Variants in USP34 observed in about 807,000 individuals in gnomAD.
USP34 encodes ubiquitin specific peptidase 34.
In USP34, 70 loss-of-function variants were observed where a neutral mutation model predicts 460.3. The observed-to-expected ratio is 0.15, with a 90% CI of 0.13 to 0.19. The LOEUF (loss-of-function observed/expected upper bound fraction) is 0.19, where lower values mean the gene tolerates loss of function less well. Among genes scored for constraint, USP34 ranks in the 10% least tolerant of loss-of-function variants. The pLI, the probability that USP34 is intolerant of heterozygous loss-of-function variation, is 1.00. For missense variants in USP34, 3,985 were observed against 4,236.2 expected (o/e 0.94, Z 1.65); for synonymous variants, 1,647 against 1,405.3 (o/e 1.17, Z -3.85).
At chr2:61,445,228 A>AG (rs1252180233) in intron 1 of USP34, among the ~76,000 whole-genome samples, 2 of 147,060 alleles carry the variant, frequency 1.4e-5, no homozygotes, top group Non-Finnish European at 3.0e-5. Flanking sequence ...ACACTAAAAA[A>AG]AAAAAAAAAA....
At chr2:61,464,478 T>G (rs139292098) in intron 1 of USP34, among the ~76,000 whole-genome samples, 2 of 152,212 alleles carry the variant, frequency 1.3e-5, no homozygotes, top group East Asian at 3.8e-4. Context: ...CCAAATGGTA[T>G]TGGGATACAA....
intron 51 of USP34, among the ~76,000 whole-genome samples, chr2:61,243,861 T>C (rs758152957): frequency 1.3e-5 from 2 of 150,240 alleles, no homozygotes; most frequent in Non-Finnish European, 3.0e-5. Flanking sequence ...AGAGTGAGAC[T>C]GTCTCAAAAA....
At chr2:61,199,748 C>T (rs1686915005) in intron 75 of USP34, among the ~76,000 whole-genome samples, 2 of 152,142 alleles carry the variant, frequency 1.3e-5, no homozygotes, top group African/African-American at 4.8e-5. Flanking sequence ...GCTATTTACC[C>T]ACTGCTTTGC....
intron 1 of USP34, among the ~76,000 whole-genome samples, chr2:61,427,786 T>C (rs1694554001): frequency 6.6e-6 from 1 of 151,918 alleles, no homozygotes; most frequent in African/African-American, 2.4e-5. Context: ...AACACCCAAG[T>C]CAGGAGAAAA....
intron 75 of USP34, among the ~76,000 whole-genome samples, chr2:61,197,773 T>G (rs1288427177): frequency 1.3e-5 from 2 of 151,696 alleles, no homozygotes; most frequent in Non-Finnish European, 2.9e-5. Flanking sequence ...TCTATTTTGG[T>G]GGGGGGAACA....
At chr2:61,423,755 G>A (rs1327068607) in intron 1 of USP34, among the ~76,000 whole-genome samples, 2 of 152,096 alleles carry the variant, frequency 1.3e-5, no homozygotes, top group African/African-American at 4.8e-5. Flanking sequence ...ACCAGCCTGG[G>A]CAACACAGCA....
Position 61,232,549 on chromosome 2 carries a change from C to A in USP34, c.7033-17G>T, listed in dbSNP as rs1395962966. 1.9e-6 allele frequency: 3 copies of A among 1,586,766 alleles called. No homozygotes were observed. Among genetic ancestry groups the A allele is most frequent in the Non-Finnish European group, 2.6e-6 (3 of 1,166,316 alleles). ...TAAAAACCACTGTTAAAAAAAAATA[C>A]AGCATGACTTTAACATTCAACAAAT... On this transcript the variant is annotated splice_polypyrimidine_tract_variant and intron_variant, in intron 57 of 79. Coordinates refer to ENST00000398571, the MANE Select transcript of USP34 (RefSeq NM_014709.4).
At position 61,470,977 on chromosome 2, in the gene USP34, G is replaced by C. The variant is rs1299598329; in HGVS notation, c.-285C>G. On this transcript the variant is annotated 5_prime_UTR_variant, in exon 1 of 80. Transcript: ENST00000398571. ...GAAGGGGGGGAAGGACGGGGGGAGG[G>C]GAGAGGGGGGGAGGGGGCGGGTGGG... 7.3e-6 allele frequency among the ~76,000 whole-genome samples: 1 copy of C among 136,708 alleles called. No homozygotes were observed. Among genetic ancestry groups the C allele is most frequent in the South Asian group, 2.5e-4 (1 of 4,030 alleles). The allele number at this position is 136,708 out of a possible 152,430, so 89.7% of individuals were successfully genotyped here.
chr2:61,373,993 G>A (rs1213957615), intron 8 of USP34, among the ~76,000 whole-genome samples: 2 of 151,758 alleles, frequency 1.3e-5, no homozygotes, highest in Non-Finnish European at 2.9e-5. Flanking sequence ...TGTCTCTAAT[G>A]AAAAATACAA....
intron 10 of USP34, among the ~76,000 whole-genome samples, chr2:61,356,881 A>C (rs1410667988): frequency 6.6e-6 from 1 of 152,242 alleles, no homozygotes; most frequent in African/African-American, 2.4e-5. Context: ...ACCACAATTT[A>C]AAGTGTTTTC....
intron 6 of USP34, among the ~76,000 whole-genome samples, chr2:61,381,210 A>C (rs558873837): frequency 1.3e-5 from 2 of 149,250 alleles, no homozygotes; most frequent in Non-Finnish European, 1.5e-5. Context: ...CAATAAAAAA[A>C]AAAAAAATAA....
At chr2:61,285,985 A>T (rs1275727259) in intron 34 of USP34, among the ~76,000 whole-genome samples, 1 of 152,212 alleles carries the variant, frequency 6.6e-6, no homozygotes, top group Non-Finnish European at 1.5e-5. Context: ...GCACTGGGGC[A>T]GGCAGCCACA....
At chr2:61,392,818 A>C (rs1312585185) in intron 5 of USP34, among the ~76,000 whole-genome samples, 2 of 152,168 alleles carry the variant, frequency 1.3e-5, no homozygotes, top group African/African-American at 4.8e-5. Flanking sequence ...TGGTGTTTCA[A>C]AATTATATGC....
intron 1 of USP34, among the ~76,000 whole-genome samples, chr2:61,435,307 CAAAA>C (rs59158283): frequency 5.9e-4 from 24 of 40,956 alleles, no homozygotes; most frequent in East Asian, 2.3e-3. Flanking sequence ...GACCTTGTTT[CAAAA>C]AAAAAAAAAA....
chr2:61,229,457 TAAAAAA>T (rs57231258), intron 59 of USP34, 85 bp downstream of exon 59: 10 of 382,160 alleles, frequency 2.6e-5, no homozygotes, highest in South Asian at 1.2e-4. Context: ...CCCTATCTCT[TAAAAAA>T]AAAAAAAAAA....
At chr2:61,349,362 T>G in intron 12 of USP34, 77 bp from the exon 13 acceptor site, 1 of 1,452,770 alleles carries the variant, frequency 6.9e-7, no homozygotes, top group South Asian at 1.2e-5. Context: ...CAGTTGTTCA[T>G]ATTACATAAT....
chr2:61,406,132 T>A lies in USP34; in HGVS notation c.132-4A>T. On this transcript the variant is annotated splice_polypyrimidine_tract_variant and splice_region_variant and intron_variant, in intron 2 of 79. Transcript: ENST00000398571. ...CTTGAAGCAGCATAGACATTGCCTA[T>A]AAGAGAAAAAAAATTGAATAAATTA... 2.0e-6 allele frequency: 3 copies of A among 1,533,128 alleles called. No homozygotes were observed. The highest frequency in any genetic ancestry group is 2.8e-5 in the African/African-American group (2 of 71,758). 95.0% of individuals were successfully genotyped at this position (1,533,128 alleles called of 1,614,324 possible). A position where few individuals can be genotyped will look rare whatever the true frequency, so the allele number is the denominator to read the frequency against.
chr2:61,389,432 C>A (rs1290132937), intron 5 of USP34, among the ~76,000 whole-genome samples: 1 of 151,976 alleles, frequency 6.6e-6, no homozygotes, highest in African/African-American at 2.4e-5. Flanking sequence ...TTAGAATACA[C>A]AGACACAAGT....
intron 10 of USP34, among the ~76,000 whole-genome samples, chr2:61,368,458 T>C (rs1692508869): frequency 6.6e-6 from 1 of 150,922 alleles, no homozygotes; most frequent in Non-Finnish European, 1.5e-5. Context: ...AATGGGCATG[T>C]CTGTGTAGCA....
Sources: allele counts gnomAD v4.1 joint callset (sites outside exome capture counted in the v4.1 genomes callset), GRCh38; gene constraint gnomAD v4.1.1; transcripts MANE v1.5; gene names NCBI Gene and HGNC (gene_info 2026-07-23, HGNC 2026-07-21).